DYNC2H1: variants seen among roughly 807,000 people sequenced by gnomAD.
DYNC2H1 encodes the protein cytoplasmic dynein 2 heavy chain 1.
A neutral mutation model predicts 570.0 loss-of-function variants in DYNC2H1; 410 were observed. The observed-to-expected ratio is 0.72, with a 90% CI of 0.66 to 0.78. DYNC2H1 has a LOEUF of 0.78. DYNC2H1 is among the 30% of genes least tolerant of loss of function. DYNC2H1 has a pLI of 0.00. For synonymous variants in DYNC2H1, 1,688 were observed against 1,677.6 expected (o/e 1.01, Z -0.15); for missense variants, 4,865 against 5,046.4 (o/e 0.96, Z 1.09).
intron 59 of DYNC2H1, among the ~76,000 whole-genome samples, chr11:103,223,920 T>C (rs1259975468): frequency 6.6e-6 from 1 of 151,894 alleles, no homozygotes; most frequent in Non-Finnish European, 1.5e-5. Context: ...GCTAATTTTC[T>C]GTATTTTAGT....
At chr11:103,443,639 CTA>C (rs569752516) in intron 85 of DYNC2H1, among the ~76,000 whole-genome samples, 121 of 149,612 alleles carry the variant, frequency 8.1e-4, no homozygotes, top group African/African-American at 2.9e-3. Context: ...TATTGGTAAT[CTA>C]TGTCAGTGAT....
At position 103,177,728 on chromosome 11, in the gene DYNC2H1, A is replaced by G. The variant is rs200190291; in HGVS notation, c.6047A>G (p.Tyr2016Cys). ...ATGAATCCCAAAGCTATGCCTCGAT[A>G]TCAATTATTAGGCCATATTGACATG... ...YTMNPKAMPR[Y>C]QLLGHIDMDT... is the part of the protein sequence containing the mutation. The change falls in exon 38 of 89, where the codon TAT becomes TGT. Residue 2016 changes from tyrosine (Y) to cysteine (C), a missense_variant. Coordinates refer to ENST00000375735, the MANE Select transcript of DYNC2H1 (RefSeq NM_001377.3). This position sits in a 1 kb window ranked among gnomAD's most constrained non-coding sequence, Gnocchi z 4.4. 1.4e-3 allele frequency: 2,181 copies of G among 1,613,562 alleles called. 2 individuals are homozygous for G. Among genetic ancestry groups the G allele is most frequent in the Non-Finnish European group, 1.7e-3 (1,955 of 1,179,700 alleles).
At chr11:103,361,883 C>T (rs932893581) in intron 83 of DYNC2H1, among the ~76,000 whole-genome samples, 4 of 152,170 alleles carry the variant, frequency 2.6e-5, no homozygotes, top group Non-Finnish European at 5.9e-5. Context: ...CGAATAGCTT[C>T]TGAGAGGTTA....
Position 103,186,298 on chromosome 11 carries a change from C to T in DYNC2H1, c.6690C>T (p.Tyr2230=). 3.1e-6 allele frequency: 5 copies of T among 1,612,428 alleles called. No homozygotes were observed. Among genetic ancestry groups the T allele is most frequent in the Non-Finnish European group, 3.4e-6 (4 of 1,179,034 alleles). Residue 2230 remains tyrosine, a synonymous_variant, in exon 42 of 89, where the codon TAC becomes TAT. Transcript: ENST00000375735. The surrounding 1 kb of genome is among the most constrained non-coding windows in gnomAD (Gnocchi z 4.5). ...ACTTTCACAAACCTATGGATACCTA[C>T]TATGACTCTACTAGGGGTCGATTAG... ...PPDFHKPMDT[Y]YDSTRGRLAT... is the part of the protein sequence containing the mutation.
rs1432128936 is a variant in DYNC2H1, at chr11:103,201,438, A to G, written c.8197+1284A>G. Among the ~76,000 whole-genome samples the G allele has an allele frequency of 6.6e-6, 1 of 152,166 alleles. No homozygotes were observed. Among genetic ancestry groups the G allele is most frequent in the Non-Finnish European group, 1.5e-5 (1 of 68,014 alleles). ...ATAACATGAAGCACTGTCCATTTATATTCCTCAGCATTTCTCACCCCTAAT... is the reference window on the plus strand; with the variant it reads ...ATAACATGAAGCACTGTCCATTTATGTTCCTCAGCATTTCTCACCCCTAAT... On this transcript the variant is annotated intron_variant, in intron 50 of 88. Coordinates refer to ENST00000375735, the MANE Select transcript of DYNC2H1 (RefSeq NM_001377.3). The surrounding 1 kb of genome is among the most constrained non-coding windows in gnomAD (Gnocchi z 4.8).
At position 103,376,446 on chromosome 11, in the gene DYNC2H1, C is replaced by CT. The variant is rs936866937; in HGVS notation, c.12156+18096dup. ...CAACAGTGTTGCTAAGCCTTGTTTACTTTTTTTTTCTTACTTGTGTATTTG... is the reference window on the plus strand; with the variant it reads ...CAACAGTGTTGCTAAGCCTTGTTTACTTTTTTTTTTCTTACTTGTGTATTTG... On this transcript the variant is annotated intron_variant, in intron 83 of 88. Coordinates refer to ENST00000375735, the MANE Select transcript of DYNC2H1 (RefSeq NM_001377.3). Among the ~76,000 whole-genome samples the CT allele has an allele frequency of 5.9e-5, 9 of 151,624 alleles. No homozygotes were observed. The East Asian group carries it at 1.4e-3, about 23-fold the overall frequency.
At chr11:103,386,164 T>C (rs904705650) in intron 83 of DYNC2H1, among the ~76,000 whole-genome samples, 2 of 152,224 alleles carry the variant, frequency 1.3e-5, no homozygotes, top group Admixed American at 1.3e-4. Context: ...TTTGGTTGTT[T>C]TCAGCAGCAG....
Position 103,211,864 on chromosome 11 carries a change from A to G in DYNC2H1, c.8615A>G (p.Tyr2872Cys), listed in dbSNP as rs775538623. Residue 2872 changes from tyrosine to cysteine, a missense_variant, in exon 54 of 89, where the codon TAC (tyrosine) becomes TGC (cysteine). By Grantham distance (194) the Tyr-to-Cys change is radical. This residue lies in a region of DYNC2H1 where 2,401 missense variants were observed against 2,454.6 expected (regional missense o/e 0.98). Coordinates refer to ENST00000375735, the MANE Select transcript of DYNC2H1 (RefSeq NM_001377.3). ...GCATATGGTGCTACACCAAGCCGAT[A>G]CATGACCTTTTTACATGTGTATTCT... ...CKAYGATPSR[Y>C]MTFLHVYSAI... 1.3e-6 allele frequency: 2 copies of G among 1,530,290 alleles called. No individual in the cohort carries two copies. Among genetic ancestry groups the G allele is most frequent in the Non-Finnish European group, 1.8e-6 (2 of 1,135,754 alleles). The allele number at this position is 1,530,290 out of a possible 1,614,324, so 94.8% of individuals were successfully genotyped here.
intron 84 of DYNC2H1, 122 bp downstream of exon 84, chr11:103,399,994 C>T: frequency 2.5e-6 from 2 of 791,496 alleles, no homozygotes; most frequent in Non-Finnish European, 3.9e-6. Flanking sequence ...CTGGCTTAAG[C>T]CATATAAAAA....
chr11:103,235,751 C>G lies in DYNC2H1; in HGVS notation c.9647C>G (p.Ala3216Gly), dbSNP rs1565418989. ...LAAAFITYLS[A>G]APESLRKTCL... is the part of the protein sequence containing the mutation. ...GCTGCATTTATTACATATCTTTCTGCTGCTCCTGAATCTCTGAGAAAAACC... is the reference window on the plus strand; with the variant it reads ...GCTGCATTTATTACATATCTTTCTGGTGCTCCTGAATCTCTGAGAAAAACC... The change falls in exon 62 of 89, where the codon GCT (alanine) becomes GGT (glycine). Residue 3216 changes from alanine (A) to glycine (G), a missense_variant. This residue lies in a region of DYNC2H1 where 2,401 missense variants were observed against 2,454.6 expected (regional missense o/e 0.98). Transcript: ENST00000375735. The G allele has an allele frequency of 6.2e-7, 1 of 1,611,834 alleles. No homozygotes were observed. Among genetic ancestry groups the G allele is most frequent in the Non-Finnish European group, 8.5e-7 (1 of 1,178,572 alleles).
rs969632300 is a variant in DYNC2H1, at chr11:103,186,149, A to G, written c.6634-93A>G. The G allele has an allele frequency of 4.0e-6, 5 of 1,252,600 alleles. No individual in the cohort carries two copies. Among genetic ancestry groups the G allele is most frequent in the Non-Finnish European group, 3.3e-6 (3 of 921,218 alleles). The allele number at this position is 1,252,600 out of a possible 1,614,324, so 77.6% of individuals were successfully genotyped here. ...TATGTAAAGTTTTCTTGGAACTAAG[A>G]TGATTTACTTTTGGGATATTTACTT... On this transcript the variant is annotated intron_variant, in intron 41 of 88. Transcript: ENST00000375735. The surrounding 1 kb of genome is among the most constrained non-coding windows in gnomAD (Gnocchi z 4.5).
rs1862905934 is a variant in DYNC2H1 at position 103,205,941 on chromosome 11, GAACT to G, written c.8454+982_8454+985del. Among the ~76,000 whole-genome samples, 1 of 152,128 alleles carries G rather than the reference GAACT, an allele frequency of 6.6e-6. No individual in the cohort carries two copies. The highest frequency in any genetic ancestry group is 2.1e-4 in the South Asian group (1 of 4,826). On this transcript the variant is annotated intron_variant, in intron 52 of 88. Coordinates refer to ENST00000375735, the MANE Select transcript of DYNC2H1 (RefSeq NM_001377.3). The surrounding 1 kb of genome is among the most constrained non-coding windows in gnomAD (Gnocchi z 4.5). The stretch of plus-strand genomic sequence containing the variant: ...TCTATAGGATTTCAGCTTTTCCTGA[GAACT>G]AACTTACTTTTGGATGCTTTCGAAC...
chr11:103,385,487 T>C (rs1440076538), intron 83 of DYNC2H1, among the ~76,000 whole-genome samples: 1 of 152,198 alleles, frequency 6.6e-6, no homozygotes, highest in Non-Finnish European at 1.5e-5. Context: ...AACCCTAGTC[T>C]TATGACTCTT....
chr11:103,427,877 T>C (rs1019703614), intron 84 of DYNC2H1, among the ~76,000 whole-genome samples: 1 of 152,046 alleles, frequency 6.6e-6, no homozygotes, highest in African/African-American at 2.4e-5. Flanking sequence ...AATCGCTTTT[T>C]AAAAACTGTA....
intron 43 of DYNC2H1, 78 bp downstream of exon 43, chr11:103,187,664 T>G: frequency 6.6e-7 from 1 of 1,525,414 alleles, no homozygotes. Context: ...AAAATATTCA[T>G]TCTTCATTTG....
At chr11:103,152,089 A>T in intron 20 of DYNC2H1, 47 bp from the exon 21 acceptor site, 1 of 1,466,356 alleles carries the variant, frequency 6.8e-7, no homozygotes. Flanking sequence ...AAGAGATTTG[A>T]TAAAATAGGT....
In DYNC2H1 at chr11:103,154,762, C is replaced by G; in HGVS notation, c.3526C>G (p.His1176Asp). The G allele has an allele frequency of 6.4e-7, 1 of 1,565,438 alleles. No individual in the cohort carries two copies. The highest frequency in any genetic ancestry group is 8.7e-7 in the Non-Finnish European group (1 of 1,155,098). Reference sequence around the variant, plus strand: ...TGACAGATTAAGGAAGGTTGAAGAACATTCAGTGATGACAGTGAAATTACA... The same window carrying G: ...TGACAGATTAAGGAAGGTTGAAGAAGATTCAGTGATGACAGTGAAATTACA... ...WHDRLRKVEE[H>D]SVMTVKLQSE... Residue 1176 changes from histidine (H) to aspartate (D), a missense_variant, in exon 24 of 89, where the codon CAT (histidine) becomes GAT (aspartate). This residue lies in a region of DYNC2H1 where 1,936 missense variants were observed against 1,962.1 expected (regional missense o/e 0.99). Coordinates refer to ENST00000375735, the MANE Select transcript of DYNC2H1 (RefSeq NM_001377.3).
chr11:103,295,200 C>T (rs1866768498), intron 75 of DYNC2H1, among the ~76,000 whole-genome samples: 1 of 152,220 alleles, frequency 6.6e-6, no homozygotes, highest in African/African-American at 2.4e-5. Context: ...ATGACTGGGA[C>T]TTGGTTTCCT....
chr11:103,198,134 A>G, intron 48 of DYNC2H1, 71 bp downstream of exon 48: 1 of 1,466,586 alleles, frequency 6.8e-7, no homozygotes, highest in Non-Finnish European at 9.2e-7. Context: ...TATTGTAAAT[A>G]TTTAGAGGGC....
Sources: allele counts gnomAD v4.1 joint callset (sites outside exome capture counted in the v4.1 genomes callset), GRCh38; gene constraint gnomAD v4.1.1; regional missense constraint gnomAD v4.1.1; non-coding constraint Gnocchi (gnomAD v3.1); transcripts MANE v1.5; gene names NCBI Gene and HGNC (gene_info 2026-07-23, HGNC 2026-07-21).